The following TTC36 variants were observed in gnomAD, a reference collection of about 807,000 sequenced individuals.
TTC36 encodes tetratricopeptide repeat domain 36, also known as tetratricopeptide repeat protein 36.
TTC36 carries 15 observed loss-of-function variants against 17.5 expected under a neutral mutation model. The ratio of observed to expected loss-of-function variants is 0.86; its 90% CI spans 0.57 to 1.32. The LOEUF (loss-of-function observed/expected upper bound fraction) is 1.32. Among genes scored for constraint, TTC36 ranks in the 40% most tolerant of loss-of-function variants. TTC36 has a pLI of 0.00. For missense variants in TTC36, 292 were observed against 260.9 expected (o/e 1.12, Z -0.82); for synonymous variants, 112 against 109.8 (o/e 1.02, Z -0.13).
chr11:118,530,487 G>C lies in TTC36; in HGVS notation c.308-167G>C. 2.7e-6 allele frequency: 2 copies of C among 730,030 alleles called. No homozygotes were observed. Among genetic ancestry groups the C allele is most frequent in the Non-Finnish European group, 4.0e-6 (2 of 503,082 alleles). The allele number at this position is 730,030 out of a possible 1,614,324, so 45.2% of individuals were successfully genotyped here. ...TTCCACAGTCTTCATCTGTGTAATG[G>C]GAATAACGATCCGTACCTCTAGCAG... is the stretch of plus-strand genomic sequence containing the variant. On this transcript the variant is annotated intron_variant, in intron 2 of 2. Transcript: ENST00000302783. This position sits in a 1 kb window ranked among gnomAD's most constrained non-coding sequence, Gnocchi z 5.8.
In TTC36 at chr11:118,528,802, A is replaced by T; in HGVS notation, c.307+11A>T. On this transcript the variant is annotated intron_variant, in intron 2 of 2. Coordinates refer to ENST00000302783, the MANE Select transcript of TTC36 (RefSeq NM_001080441.4). ...AGGGAGACGTGGCAGGTAAGGGGAG[A>T]TGCCCTGTATCCTCTGCAAAAGGGC... The T allele has an allele frequency of 6.3e-7, 1 of 1,596,000 alleles. No homozygotes were observed. The highest frequency in any genetic ancestry group is 8.5e-7 in the Non-Finnish European group (1 of 1,170,352).
At position 118,530,021 on chromosome 11, in the gene TTC36, A is replaced by C. The variant is rs149899213; in HGVS notation, c.308-633A>C. ...AATAACAATAAAAATGGTGCAGGCC[A>C]GCTCTGGCTCCAGGACCAAGGAAAT... On this transcript the variant is annotated intron_variant, in intron 2 of 2. Coordinates refer to ENST00000302783, the MANE Select transcript of TTC36 (RefSeq NM_001080441.4). The surrounding 1 kb of genome is among the most constrained non-coding windows in gnomAD (Gnocchi z 5.8). 7.6e-3 allele frequency among the ~76,000 whole-genome samples: 1,162 copies of C among 152,358 alleles called. 15 individuals carry two copies. The highest frequency in any genetic ancestry group is 0.027 in the African/African-American group (1,114 of 41,574).
In TTC36 at chr11:118,530,705, G is replaced by T; in HGVS notation, c.359G>T (p.Arg120Leu). The T allele has an allele frequency of 6.8e-7, 1 of 1,479,366 alleles. No homozygotes were observed. Among genetic ancestry groups the T allele is most frequent in the Non-Finnish European group, 8.9e-7 (1 of 1,124,046 alleles). The allele number at this position is 1,479,366 out of a possible 1,614,324, so 91.6% of individuals were successfully genotyped here. ...GTGGAGCTGAGCGGCGGCCGGGGCC[G>T]CGCCGCCCGCCAGAGCTTTGTGCAG... ...RAVELSGGRG[R>L]AARQSFVQRG... The change falls in exon 3 of 3, where the codon CGC becomes CTC. Residue 120 changes from arginine (R) to leucine (L), a missense_variant. Transcript: ENST00000302783. This position sits in a 1 kb window ranked among gnomAD's most constrained non-coding sequence, Gnocchi z 5.8.
rs1951193096 is a variant in TTC36 at position 118,530,497 on chromosome 11, T to G, written c.308-157T>G. 3 of 794,050 alleles carry G rather than the reference T, an allele frequency of 3.8e-6. No individual in the cohort carries two copies. The African/African-American group carries it at 5.5e-5, about 15-fold the overall frequency. 49.2% of individuals were successfully genotyped at this position (794,050 alleles called of 1,614,324 possible). A position where few individuals can be genotyped will look rare whatever the true frequency, so the allele number is the denominator to read the frequency against. ...TTCATCTGTGTAATGGGAATAACGATCCGTACCTCTAGCAGGTGCGAGGCG... is the reference window on the plus strand; with the variant it reads ...TTCATCTGTGTAATGGGAATAACGAGCCGTACCTCTAGCAGGTGCGAGGCG... On this transcript the variant is annotated intron_variant, in intron 2 of 2. Transcript: ENST00000302783. The surrounding 1 kb of genome is among the most constrained non-coding windows in gnomAD (Gnocchi z 5.8).
In TTC36 at chr11:118,530,448, G is replaced by A; in HGVS notation, c.308-206G>A. The A allele has an allele frequency of 3.7e-6, 2 of 541,764 alleles. No homozygotes were observed. Among genetic ancestry groups the A allele is most frequent in the Non-Finnish European group, 5.8e-6 (2 of 342,058 alleles). The allele number at this position is 541,764 out of a possible 1,614,324, so 33.6% of individuals were successfully genotyped here. ...AGCTCTGCCACTAAGTGGCTTGGCT[G>A]TAGAGCTTAACTCTTCCACAGTCTT... On this transcript the variant is annotated intron_variant, in intron 2 of 2. Coordinates refer to ENST00000302783, the MANE Select transcript of TTC36 (RefSeq NM_001080441.4). This position sits in a 1 kb window ranked among gnomAD's most constrained non-coding sequence, Gnocchi z 5.8.
chr11:118,528,755 C>T lies in TTC36; in HGVS notation c.271C>T (p.Arg91Cys), dbSNP rs542275153. 37 of 1,612,254 alleles carry T rather than the reference C, an allele frequency of 2.3e-5. No individual in the cohort carries two copies. Among genetic ancestry groups the T allele is most frequent in the Admixed American group, 1.8e-4 (11 of 59,966 alleles). Residue 91 changes from arginine (R) to cysteine (C), a missense_variant, in exon 2 of 3, where the codon CGT becomes TGT. Coordinates refer to ENST00000302783, the MANE Select transcript of TTC36 (RefSeq NM_001080441.4). ...TGAGAGGGCTTCAGCCTACAACAAC[C>T]GTGCCCAGGCCCGGCGACTCCAGGG... ...LPERASAYNN[R>C]AQARRLQGDV...
chr11:118,530,738 T>A lies in TTC36; in HGVS notation c.392T>A (p.Leu131His). 1 of 1,499,734 alleles carries A rather than the reference T, an allele frequency of 6.7e-7. No individual in the cohort carries two copies. The highest frequency in any genetic ancestry group is 8.8e-7 in the Non-Finnish European group (1 of 1,133,400). 92.9% of individuals were successfully genotyped at this position (1,499,734 alleles called of 1,614,324 possible). The change falls in exon 3 of 3, where the codon CTC becomes CAC. Residue 131 changes from leucine to histidine, a missense_variant. Physicochemically the swap from Leu to His is moderately conservative, Grantham distance 99. Transcript: ENST00000302783. This position sits in a 1 kb window ranked among gnomAD's most constrained non-coding sequence, Gnocchi z 5.8. ...AARQSFVQRG[L>H]LARLQGRDDD... ...CGCCAGAGCTTTGTGCAGCGCGGAC[T>A]CCTGGCGCGGCTGCAGGGCCGAGAC...
chr11:118,527,491 C>T lies in TTC36; in HGVS notation c.-4C>T. ...CACCTTTTGGGATTTTGGAGTTGAGCACCATGGGGACTCCAAATGATCAGG... is the reference window on the plus strand; with the variant it reads ...CACCTTTTGGGATTTTGGAGTTGAGTACCATGGGGACTCCAAATGATCAGG... On this transcript the variant is annotated 5_prime_UTR_variant, in exon 1 of 3. Transcript: ENST00000302783. The T allele has an allele frequency of 1.9e-6, 3 of 1,609,438 alleles. No individual in the cohort carries two copies. Among genetic ancestry groups the T allele is most frequent in the Middle Eastern group, 1.7e-4 (1 of 6,052 alleles).
chr11:118,527,698 G>A (rs1384194801), intron 1 of TTC36, 86 bp downstream of exon 1: 3 of 924,380 alleles, frequency 3.2e-6, no homozygotes, highest in Non-Finnish European at 5.3e-6. Context: ...GGTTTTATAA[G>A]GCCCCTTGTT....
rs782030511 is a variant in TTC36, at chr11:118,528,603, A to T, written c.119A>T (p.Asp40Val). ...TCTCCTGGCTCCTTCCCTGGCCCAG[A>T]TGAAGTTTTCCCTCAAGCACAGCTG... ...EEAEKEEREE[D>V]EVFPQAQLEQ... Residue 40 changes from aspartate (D) to valine (V), a missense_variant and splice_region_variant, in exon 2 of 3, where the codon GAT (aspartate) becomes GTT (valine). By Grantham distance (152) the Asp-to-Val change is radical. Transcript: ENST00000302783. The T allele has an allele frequency of 2.2e-5, 35 of 1,560,900 alleles. 1 individual carries two copies. The Middle Eastern group carries it at 1.7e-3, about 76-fold the overall frequency.
At chr11:118,527,675 CAG>C (rs1951109867) in intron 1 of TTC36, 63 bp downstream of exon 1, 1 of 1,205,528 alleles carries the variant, frequency 8.3e-7, no homozygotes, top group South Asian at 1.2e-5. Context: ...CCCGAGGTAG[CAG>C]AGAGGGAGGT....
Position 118,527,573 on chromosome 11 carries a change from G to A in TTC36, c.79G>A (p.Asp27Asn). The A allele has an allele frequency of 6.2e-7, 1 of 1,614,180 alleles. No individual in the cohort carries two copies. The highest frequency in any genetic ancestry group is 1.1e-5 in the South Asian group (1 of 91,084). Residue 27 changes from aspartate to asparagine, a missense_variant, in exon 1 of 3, where the codon GAC (aspartate) becomes AAC (asparagine). Physicochemically the swap from Asp to Asn is conservative, Grantham distance 23 (BLOSUM62 1). Coordinates refer to ENST00000302783, the MANE Select transcript of TTC36 (RefSeq NM_001080441.4). ...CCCATTTGGAGACATTGTTGGATTGGACCTCGGAGAGGAAGCAGAAAAGGA... is the reference window on the plus strand; with the variant it reads ...CCCATTTGGAGACATTGTTGGATTGAACCTCGGAGAGGAAGCAGAAAAGGA... ...DTPFGDIVGL[D>N]LGEEAEKEER...
chr11:118,530,312 G>C lies in TTC36; in HGVS notation c.308-342G>C, dbSNP rs1182951119. On this transcript the variant is annotated intron_variant, in intron 2 of 2. Coordinates refer to ENST00000302783, the MANE Select transcript of TTC36 (RefSeq NM_001080441.4). This position sits in a 1 kb window ranked among gnomAD's most constrained non-coding sequence, Gnocchi z 5.8. The stretch of plus-strand genomic sequence containing the variant: ...AAATTGGCTGCTACTTGCCCGGGCA[G>C]TGGGCCAGACTCATAAACATAGTGG... Among the ~76,000 whole-genome samples, 1 of 152,258 alleles carries C rather than the reference G, an allele frequency of 6.6e-6. No homozygotes were observed.
In TTC36 at chr11:118,527,562, T is replaced by C. The variant is rs782252042; in HGVS notation, c.68T>C (p.Ile23Thr). The change falls in exon 1 of 3, where the codon ATT becomes ACT. Residue 23 changes from isoleucine (I) to threonine (T), a missense_variant. Ile to Thr is a moderately conservative substitution (Grantham distance 89, BLOSUM62 -1). Transcript: ENST00000302783. ...AACCCTGACACCCCATTTGGAGACA[T>C]TGTTGGATTGGACCTCGGAGAGGAA... ...IFNPDTPFGD[I>T]VGLDLGEEAE... 48 of 1,613,826 alleles carry C rather than the reference T, an allele frequency of 3.0e-5. No individual in the cohort carries two copies. The highest frequency in any genetic ancestry group is 1.6e-4 in the Middle Eastern group (1 of 6,084).
intron 1 of TTC36, 69 bp from the exon 2 acceptor site, chr11:118,528,534 C>A: frequency 2.0e-6 from 3 of 1,467,008 alleles, no homozygotes; most frequent in Non-Finnish European, 2.7e-6. Context: ...AATTCCAAAG[C>A]CTGAGGTGGC....
chr11:118,527,554 T>C lies in TTC36; in HGVS notation c.60T>C (p.Phe20=). 6.2e-7 allele frequency: 1 copy of C among 1,614,182 alleles called. No homozygotes were observed. The highest frequency in any genetic ancestry group is 1.1e-5 in the South Asian group (1 of 91,082). ...CCATCTTCAACCCTGACACCCCATT[T>C]GGAGACATTGTTGGATTGGACCTCG... is the stretch of plus-strand genomic sequence containing the variant. ...LQAIFNPDTP[F]GDIVGLDLGE... Residue 20 remains phenylalanine, a synonymous_variant, in exon 1 of 3, where the codon TTT becomes TTC. Coordinates refer to ENST00000302783, the MANE Select transcript of TTC36 (RefSeq NM_001080441.4).
At chr11:118,528,504 A>T in intron 1 of TTC36, 99 bp from the exon 2 acceptor site, 1 of 1,278,560 alleles carries the variant, frequency 7.8e-7, no homozygotes. Context: ...ATACCCAGTC[A>T]GCTCTGGCTC....
In TTC36 at chr11:118,530,409, T is replaced by C. The variant is rs1294779449; in HGVS notation, c.308-245T>C. Reference sequence around the variant, plus strand: ...AAAATAATAGGAACAAGGCGAGACCTGGACTTCAGTCCCAGCTCTGCCACT... The same window carrying C: ...AAAATAATAGGAACAAGGCGAGACCCGGACTTCAGTCCCAGCTCTGCCACT... On this transcript the variant is annotated intron_variant, in intron 2 of 2. Coordinates refer to ENST00000302783, the MANE Select transcript of TTC36 (RefSeq NM_001080441.4). This position sits in a 1 kb window ranked among gnomAD's most constrained non-coding sequence, Gnocchi z 5.8. The C allele has an allele frequency of 4.6e-6, 2 of 439,134 alleles. No homozygotes were observed. Among genetic ancestry groups the C allele is most frequent in the Non-Finnish European group, 7.9e-6 (2 of 254,178 alleles). The allele number at this position is 439,134 out of a possible 1,614,324, so 27.2% of individuals were successfully genotyped here. A position where few individuals can be genotyped will look rare whatever the true frequency, so the allele number is the denominator to read the frequency against.
At chr11:118,528,845 C>A in intron 2 of TTC36, 54 bp downstream of exon 2, 1 of 1,503,274 alleles carries the variant, frequency 6.7e-7, no homozygotes, top group Non-Finnish European at 9.0e-7. Flanking sequence ...AGGGCACAGA[C>A]CAGAACTGAA....
Sources: allele counts gnomAD v4.1 joint callset (sites outside exome capture counted in the v4.1 genomes callset), GRCh38; gene constraint gnomAD v4.1.1; non-coding constraint Gnocchi (gnomAD v3.1); transcripts MANE v1.5; gene names NCBI Gene and HGNC (gene_info 2026-07-23, HGNC 2026-07-21).